CACNA2D1: variants seen among roughly 807,000 people sequenced by gnomAD.
The protein encoded by CACNA2D1 is voltage-dependent calcium channel subunit alpha-2/delta-1.
Under a neutral mutation model 171.5 loss-of-function variants are expected in CACNA2D1, and 53 were observed. The observed-to-expected ratio is 0.31, with a 90% CI of 0.25 to 0.39. CACNA2D1 has a LOEUF of 0.39. Among genes scored for constraint, CACNA2D1 ranks in the 10% least tolerant of loss-of-function variants. CACNA2D1 has a pLI of 1.00. For synonymous variants in CACNA2D1, 442 were observed against 443.1 expected, an observed-to-expected ratio of 1.00 and a Z score of 0.03; for missense variants, 903 against 1,299.8, an observed-to-expected ratio of 0.69 and a Z score of 4.69.
chr7:82,438,746 T>A (rs1210489198), intron 1 of CACNA2D1, among the ~76,000 whole-genome samples: 1 of 152,158 alleles, frequency 6.6e-6, no homozygotes, highest in African/African-American at 2.4e-5. Flanking sequence ...ATGCACACTG[T>A]AAGCCTTAAG....
intron 3 of CACNA2D1, among the ~76,000 whole-genome samples, chr7:82,309,653 A>G (rs1814178893): frequency 6.6e-6 from 1 of 152,092 alleles, no homozygotes; most frequent in African/African-American, 2.4e-5. Context: ...GTGAGCTTCT[A>G]TCTTTGGTTT....
intron 4 of CACNA2D1, among the ~76,000 whole-genome samples, chr7:82,155,327 T>G (rs1381719551): frequency 6.6e-6 from 1 of 152,142 alleles, no homozygotes; most frequent in Non-Finnish European, 1.5e-5. Flanking sequence ...ATATACATTA[T>G]TACAATTTGC....
intron 3 of CACNA2D1, among the ~76,000 whole-genome samples, chr7:82,234,030 AT>A: frequency 6.6e-6 from 1 of 152,252 alleles, no homozygotes; most frequent in Non-Finnish European, 1.5e-5. Context: ...GTGATAAATT[AT>A]TAATTGAAGT....
intron 19 of CACNA2D1, 46 bp downstream of exon 19, chr7:81,997,109 GATACTTGTAGAATGAGTGCATACC>G: frequency 1.2e-6 from 1 of 858,418 alleles, no homozygotes; most frequent in Non-Finnish European, 2.0e-6. Flanking sequence ...CCGTTCAACA[GATACTTGTAGAATGAGTGCATACC>G]AGCATCTGAC....
At position 82,010,206 on chromosome 7, in the gene CACNA2D1, C is replaced by A. The variant is rs568789981; in HGVS notation, c.1362+1948G>T. ...TATATTTCGTTTTGAAATATATTTA[C>A]CTTTTCCTTTTTAATATAACTGTTT... On this transcript the variant is annotated intron_variant, in intron 15 of 38. Transcript: ENST00000356860. 2.0e-5 allele frequency among the ~76,000 whole-genome samples: 3 copies of A among 152,018 alleles called. No individual in the cohort carries two copies. In the South Asian group the frequency reaches 6.2e-4, roughly 32 times the overall value.
intron 3 of CACNA2D1, among the ~76,000 whole-genome samples, chr7:82,255,257 G>C (rs1004112487): frequency 6.6e-6 from 1 of 152,030 alleles, no homozygotes; most frequent in African/African-American, 2.4e-5. Flanking sequence ...CTAGTTCTCT[G>C]CATCTTATCA....
intron 23 of CACNA2D1, chr7:81,982,882 T>A (rs1796582227): frequency 1.8e-6 from 1 of 563,560 alleles, no homozygotes; most frequent in African/African-American, 1.9e-5. Flanking sequence ...TCTATAATTT[T>A]CTGATCTAAC....
intron 1 of CACNA2D1, among the ~76,000 whole-genome samples, chr7:82,381,244 G>T (rs1823674905): frequency 6.6e-6 from 1 of 151,222 alleles, no homozygotes; most frequent in East Asian, 2.0e-4. Context: ...AACCCGGCAG[G>T]CGGAGCTTGC....
intron 3 of CACNA2D1, among the ~76,000 whole-genome samples, chr7:82,197,176 A>G (rs1003589801): frequency 6.6e-6 from 1 of 152,020 alleles, no homozygotes; most frequent in South Asian, 2.1e-4. Flanking sequence ...AATCTTTACT[A>G]AAGATTACTT....
intron 3 of CACNA2D1, among the ~76,000 whole-genome samples, chr7:82,183,476 T>A (rs1327090152): frequency 6.6e-6 from 1 of 152,180 alleles, no homozygotes; most frequent in African/African-American, 2.4e-5. Context: ...TAAAATTTTG[T>A]ACAATTAAGA....
In CACNA2D1 at chr7:81,951,971, T is replaced by TTTTTTTTTTTTTGTTTG. The variant is rs1554321672; in HGVS notation, c.3160-1464_3160-1463insCAAACAAAAAAAAAAAA. On this transcript the variant is annotated intron_variant, in intron 38 of 38. Coordinates refer to ENST00000356860, the MANE Select transcript of CACNA2D1 (RefSeq NM_000722.4). ...TTCCCACCAGCAGTGTACAAAGTGT[T>TTTTTTTTTTTTTGTTTG]TTTTTTTTTTTTTTTTTTTTAACCA... is the stretch of plus-strand genomic sequence containing the variant. 1.5e-3 allele frequency among the ~76,000 whole-genome samples: 196 copies of TTTTTTTTTTTTTGTTTG among 130,742 alleles called. 1 individual carries two copies. The highest frequency in any genetic ancestry group is 8.8e-3 in the Middle Eastern group (2 of 226). 85.8% of individuals were successfully genotyped at this position (130,742 alleles called of 152,430 possible).
chr7:81,965,663 T>G lies in CACNA2D1; in HGVS notation c.2505A>C (p.Val835=). The G allele has an allele frequency of 1.3e-6, 2 of 1,578,086 alleles. No individual in the cohort carries two copies. Among genetic ancestry groups the G allele is most frequent in the Non-Finnish European group, 1.7e-6 (2 of 1,148,080 alleles). The change falls in exon 32 of 39, where the codon GTA becomes GTC. Residue 835 remains valine, a splice_region_variant and synonymous_variant. Transcript: ENST00000356860. ...PVCDCKRNSD[V]MDCVILDDGG... Reference sequence around the variant, plus strand: ...CATCATCCAGAATCACACAATCCATTACCTATCAAAATAAAGTGAACAGTT... The same window carrying G: ...CATCATCCAGAATCACACAATCCATGACCTATCAAAATAAAGTGAACAGTT...
At chr7:82,208,341 T>C (rs772346911) in intron 3 of CACNA2D1, among the ~76,000 whole-genome samples, 24 of 152,166 alleles carry the variant, frequency 1.6e-4, no homozygotes, top group Non-Finnish European at 3.1e-4. Context: ...ATATCATTAA[T>C]AGTTTGTCAG....
At chr7:82,340,314 C>T (rs911413912) in intron 2 of CACNA2D1, among the ~76,000 whole-genome samples, 5 of 151,294 alleles carry the variant, frequency 3.3e-5, no homozygotes, top group South Asian at 2.1e-4. Flanking sequence ...CTCCTGAGTT[C>T]GCTTAATTTG....
chr7:82,344,378 T>C (rs530168857), intron 2 of CACNA2D1, among the ~76,000 whole-genome samples: 2 of 152,322 alleles, frequency 1.3e-5, no homozygotes, highest in Non-Finnish European at 2.9e-5. Context: ...AAATATATGT[T>C]TAGAGTAACA....
intron 15 of CACNA2D1, among the ~76,000 whole-genome samples, chr7:82,010,859 A>G (rs1799697869): frequency 6.6e-6 from 1 of 152,170 alleles, no homozygotes; most frequent in Admixed American, 6.6e-5. Flanking sequence ...GTAAGAACAT[A>G]TCACTGAACT....
At chr7:82,345,163 G>C (rs1343891195) in intron 2 of CACNA2D1, among the ~76,000 whole-genome samples, 1 of 152,122 alleles carries the variant, frequency 6.6e-6, no homozygotes, top group Non-Finnish European at 1.5e-5. Flanking sequence ...ATGTCAAAGA[G>C]TAAGCATTAG....
At chr7:82,051,807 T>C (rs1805225789) in intron 10 of CACNA2D1, among the ~76,000 whole-genome samples, 1 of 152,192 alleles carries the variant, frequency 6.6e-6, no homozygotes, top group African/African-American at 2.4e-5. Flanking sequence ...CACGCTGTGA[T>C]TGAATTGCTG....
At chr7:82,007,462 G>C (rs548587445) in intron 16 of CACNA2D1, among the ~76,000 whole-genome samples, 2 of 152,182 alleles carry the variant, frequency 1.3e-5, no homozygotes, top group African/African-American at 4.8e-5. Flanking sequence ...TAGTTAAGTG[G>C]AGTTAAGTTG....
Sources: gnomAD v4.1 joint callset for allele counts (sites outside exome capture counted in the v4.1 genomes callset) on GRCh38, gnomAD v4.1.1 for gene constraint, MANE v1.5 for transcripts, NCBI Gene and HGNC (gene_info 2026-07-23, HGNC 2026-07-21) for gene names.